AGO3: variants seen among roughly 807,000 people sequenced by gnomAD.
AGO3 encodes the protein argonaute RISC catalytic component 3.
Under a neutral mutation model 105.5 loss-of-function variants are expected in AGO3, and 16 were observed. The observed-to-expected ratio is 0.15, with a 90% confidence interval of 0.10 to 0.23. The LOEUF (loss-of-function observed/expected upper bound fraction) is 0.23, where lower values mean the gene tolerates loss of function less well. Among genes scored for constraint, AGO3 ranks in the 10% least tolerant of loss-of-function variants. AGO3 has a pLI of 1.00. For missense variants in AGO3, 534 were observed against 1,088.0 expected (o/e 0.49, Z 7.16); for synonymous variants, 340 against 367.3 (o/e 0.93, Z 0.85).
At chr1:36,037,673 A>G (rs1179504203) in intron 14 of AGO3, among the ~76,000 whole-genome samples, 1 of 152,230 alleles carries the variant, frequency 6.6e-6, no homozygotes, top group Admixed American at 6.5e-5. Context: ...TTTCATTAGT[A>G]AAGGAAATTA....
chr1:35,995,673 G>A (rs1648262317), intron 5 of AGO3, among the ~76,000 whole-genome samples: 2 of 152,158 alleles, frequency 1.3e-5, no homozygotes, highest in East Asian at 1.9e-4. Flanking sequence ...GATCTTGGAC[G>A]AGGCAAAGAT....
Position 36,008,655 on chromosome 1 carries a change from A to G in AGO3, c.794-35A>G. 1 of 1,591,094 alleles carries G rather than the reference A, an allele frequency of 6.3e-7. No individual in the cohort carries two copies. The highest frequency in any genetic ancestry group is 1.3e-5 in the African/African-American group (1 of 74,454). On this transcript the variant is annotated intron_variant, in intron 6 of 18. Transcript: ENST00000373191. The surrounding 1 kb of genome is among the most constrained non-coding windows in gnomAD (Gnocchi z 5.1). Reference sequence around the variant, plus strand: ...TAAGTATAAATATTTTACATGTGACAGTTCTGTAACCTCCATTTTTCTTGT... The same window carrying G: ...TAAGTATAAATATTTTACATGTGACGGTTCTGTAACCTCCATTTTTCTTGT...
chr1:36,049,831 A>C (rs944832321), intron 17 of AGO3, among the ~76,000 whole-genome samples: 1 of 152,202 alleles, frequency 6.6e-6, no homozygotes, highest in Non-Finnish European at 1.5e-5. Flanking sequence ...TCATTATATA[A>C]TGCTAAAGGG....
At chr1:35,933,274 A>G (rs560573880) in intron 1 of AGO3, among the ~76,000 whole-genome samples, 13 of 152,310 alleles carry the variant, frequency 8.5e-5, no homozygotes, top group South Asian at 4.1e-4. Context: ...CAAAATTTTC[A>G]TTATTCCTGA....
chr1:36,023,707 C>T (rs1189310492), intron 11 of AGO3, among the ~76,000 whole-genome samples: 2 of 152,170 alleles, frequency 1.3e-5, no homozygotes, highest in Non-Finnish European at 2.9e-5. Flanking sequence ...ACAGAGAAAC[C>T]TTTAGGCCAA....
intron 2 of AGO3, among the ~76,000 whole-genome samples, chr1:35,961,665 A>G (rs1420536910): frequency 1.3e-5 from 2 of 151,976 alleles, no homozygotes; most frequent in Admixed American, 6.6e-5. Flanking sequence ...CCTCCTTCTC[A>G]TTATATTTGA....
rs560860247 is a variant in AGO3 at position 36,070,253 on chromosome 1, C to T, written c.*14508C>T. The T allele has an allele frequency of 2.0e-5, 3 of 152,172 alleles. No individual in the cohort carries two copies. Among genetic ancestry groups the T allele is most frequent in the Non-Finnish European group, 2.9e-5 (2 of 68,028 alleles). 9.4% of individuals were successfully genotyped at this position (152,172 alleles called of 1,614,324 possible). ...TTTAAGAAAGAAAGTGTGCTTATTT[C>T]ACTCATGTCTTTGCAGAATTTAACT... is the stretch of plus-strand genomic sequence containing the variant. On this transcript the variant is annotated 3_prime_UTR_variant, in exon 19 of 19. Transcript: ENST00000373191.
intron 11 of AGO3, among the ~76,000 whole-genome samples, chr1:36,020,239 A>G (rs542856926): frequency 3.3e-5 from 5 of 152,170 alleles, no homozygotes; most frequent in Non-Finnish European, 5.9e-5. Context: ...TCTTTCTCCA[A>G]TGGAGGTGCA....
At chr1:36,039,645 C>A in intron 14 of AGO3, 145 bp from the exon 15 acceptor site, 1 of 562,082 alleles carries the variant, frequency 1.8e-6, no homozygotes, top group Non-Finnish European at 2.6e-6. Flanking sequence ...TCATACCCAA[C>A]TCAGAATTAC....
At chr1:36,018,133 C>T (rs1641003277) in intron 11 of AGO3, among the ~76,000 whole-genome samples, 1 of 151,550 alleles carries the variant, frequency 6.6e-6, no homozygotes, top group Non-Finnish European at 1.5e-5. Context: ...ACCACCACGC[C>T]CAACTAATTT....
chr1:36,037,375 G>A (rs986713433), intron 14 of AGO3, among the ~76,000 whole-genome samples: 29 of 152,020 alleles, frequency 1.9e-4, no homozygotes, highest in African/African-American at 7.0e-4. Flanking sequence ...TACGAAATTA[G>A]CCTGTCGTGG....
At chr1:35,984,640 T>A (rs1245941162) in intron 5 of AGO3, 1 of 152,206 alleles carries the variant, frequency 6.6e-6, no homozygotes, top group Non-Finnish European at 1.5e-5. Flanking sequence ...TATTGTTCTG[T>A]CTCTCCTGTT....
intron 5 of AGO3, among the ~76,000 whole-genome samples, chr1:35,997,839 C>T (rs939265795): frequency 3.9e-5 from 6 of 152,104 alleles, no homozygotes; most frequent in East Asian, 1.9e-4. Context: ...CAGGATTATA[C>T]GCGCCTGCCA....
At chr1:36,045,840 G>T (rs1642447408) in intron 17 of AGO3, among the ~76,000 whole-genome samples, 1 of 152,162 alleles carries the variant, frequency 6.6e-6, no homozygotes. Flanking sequence ...ACTGCACTGG[G>T]CCAAACAACT....
Position 36,004,329 on chromosome 1 carries a change from T to G in AGO3, c.659-12T>G. 2 of 1,592,322 alleles carry G rather than the reference T, an allele frequency of 1.3e-6. No individual in the cohort carries two copies. Among genetic ancestry groups the G allele is most frequent in the Non-Finnish European group, 1.7e-6 (2 of 1,169,912 alleles). On this transcript the variant is annotated splice_polypyrimidine_tract_variant and intron_variant, in intron 5 of 18. Transcript: ENST00000373191. ...AAACATTAATTTGTATTGTTTGTGT[T>G]TTTCTTCTTAGTTTCTGCCACTGCC...
At chr1:35,965,564 G>A (rs891388808) in intron 2 of AGO3, among the ~76,000 whole-genome samples, 1 of 151,286 alleles carries the variant, frequency 6.6e-6, no homozygotes, top group African/African-American at 2.4e-5. Context: ...ACTTAAAATG[G>A]CAGAGAATCA....
Position 35,931,131 on chromosome 1 carries a change from TGGA to T in AGO3, c.-291_-289del, listed in dbSNP as rs2148734082. ...GGTCGGCGGCGGCGGCCCGCAGTCG[TGGA>T]GGAGCGGTGGGAGCGTCGGCGGCCG... On this transcript the variant is annotated 5_prime_UTR_variant, in exon 1 of 19. Transcript: ENST00000373191. 1 of 363,808 alleles carries T rather than the reference TGGA, an allele frequency of 2.7e-6. No individual in the cohort carries two copies. Among genetic ancestry groups the T allele is most frequent in the South Asian group, 1.3e-4 (1 of 7,814 alleles). The allele number at this position is 363,808 out of a possible 1,614,324, so 22.5% of individuals were successfully genotyped here. A position where few individuals can be genotyped will look rare whatever the true frequency, so the allele number is the denominator to read the frequency against.
Position 35,945,692 on chromosome 1 carries a change from G to C in AGO3, c.20G>C (p.Gly7Ala). 1 of 1,609,870 alleles carries C rather than the reference G, an allele frequency of 6.2e-7. No homozygotes were observed. Among genetic ancestry groups the C allele is most frequent in the Non-Finnish European group, 8.5e-7 (1 of 1,179,100 alleles). MEIGSAGPAGAQPLLMV... is the reference protein window; with the variant it reads MEIGSAAPAGAQPLLMV... ...TTTTTTTTTCCCTTTCCCCTGGCAG[G>C]ACCCGCTGGGGCCCAGCCCCTACTC... The change falls in exon 2 of 19, where the codon GGA (glycine) becomes GCA (alanine). Residue 7 changes from glycine to alanine, a missense_variant and splice_region_variant. Physicochemically the swap from Gly to Ala is moderately conservative, Grantham distance 60 (BLOSUM62 0). Transcript: ENST00000373191.
At chr1:36,053,349 C>T (rs572336131) in intron 17 of AGO3, among the ~76,000 whole-genome samples, 15 of 151,776 alleles carry the variant, frequency 9.9e-5, no homozygotes, top group African/African-American at 2.7e-4. Flanking sequence ...GGTGCAGTCA[C>T]GGCTTACTGC....
Sources: gnomAD v4.1 joint callset for allele counts (sites outside exome capture counted in the v4.1 genomes callset) on GRCh38, gnomAD v4.1.1 for gene constraint, Gnocchi (gnomAD v3.1) non-coding constraint, MANE v1.5 for transcripts, NCBI Gene and HGNC (gene_info 2026-07-23, HGNC 2026-07-21) for gene names.